TMEM117: variants seen among roughly 807,000 people sequenced by gnomAD.
The protein encoded by TMEM117 is transmembrane protein 117.
TMEM117 carries 27 observed loss-of-function variants against 52.4 expected under a neutral mutation model. The observed-to-expected ratio is 0.51, with a 90% CI of 0.38 to 0.71. The LOEUF (loss-of-function observed/expected upper bound fraction) is 0.71, where lower values mean the gene tolerates loss of function less well. TMEM117 is among the 30% of genes least tolerant of loss of function. The pLI, the probability that TMEM117 is intolerant of heterozygous loss-of-function variation, is 0.00. For synonymous variants in TMEM117, 215 were observed against 206.3 expected, an observed-to-expected ratio of 1.04 and a Z score of -0.36; for missense variants, 556 against 630.5, an observed-to-expected ratio of 0.88 and a Z score of 1.26.
chr12:44,010,848 T>C (rs887061227), intron 3 of TMEM117, among the ~76,000 whole-genome samples: 1 of 152,238 alleles, frequency 6.6e-6, no homozygotes, highest in African/African-American at 2.4e-5. Context: ...AAACTGTATC[T>C]AAACATATAC....
intron 3 of TMEM117, among the ~76,000 whole-genome samples, chr12:44,092,844 A>G (rs940339388): frequency 2.6e-5 from 4 of 152,208 alleles, no homozygotes; most frequent in Non-Finnish European, 4.4e-5. Flanking sequence ...AACACAGAGC[A>G]TATATTATGA....
chr12:44,334,043 T>C (rs1469362901), intron 6 of TMEM117, among the ~76,000 whole-genome samples: 1 of 152,072 alleles, frequency 6.6e-6, no homozygotes, highest in Non-Finnish European at 1.5e-5. Context: ...CTCGATAGAA[T>C]TTTTAGAGAC....
At chr12:44,372,962 A>G (rs571022678) in intron 6 of TMEM117, among the ~76,000 whole-genome samples, 1 of 152,332 alleles carries the variant, frequency 6.6e-6, no homozygotes, top group East Asian at 1.9e-4. Flanking sequence ...TCACATTGTG[A>G]TCTTAAATAT....
At chr12:44,171,914 A>G (rs1949051952) in intron 4 of TMEM117, among the ~76,000 whole-genome samples, 1 of 152,100 alleles carries the variant, frequency 6.6e-6, no homozygotes, top group Non-Finnish European at 1.5e-5. Flanking sequence ...GGCATAGGGA[A>G]CAGCATGTGC....
intron 3 of TMEM117, among the ~76,000 whole-genome samples, chr12:44,035,690 A>G (rs907152911): frequency 6.6e-6 from 1 of 152,186 alleles, no homozygotes; most frequent in Non-Finnish European, 1.5e-5. Flanking sequence ...TAATGTATTG[A>G]ATCTGGCTTG....
chr12:43,962,094 A>G (rs1945413064), intron 3 of TMEM117, among the ~76,000 whole-genome samples: 1 of 152,220 alleles, frequency 6.6e-6, no homozygotes, highest in Non-Finnish European at 1.5e-5. Flanking sequence ...CAGTGACAGT[A>G]CAACTGTTAT....
chr12:43,810,366 AC>A, the TMEM117 span, among the ~76,000 whole-genome samples: 2 of 152,154 alleles, frequency 1.3e-5, no homozygotes, highest in Non-Finnish European at 2.9e-5. Flanking sequence ...GCTAATTAAC[AC>A]CCAAAAACCT....
At chr12:44,098,352 C>T (rs1448390077) in intron 3 of TMEM117, among the ~76,000 whole-genome samples, 1 of 152,000 alleles carries the variant, frequency 6.6e-6, no homozygotes, top group African/African-American at 2.4e-5. Flanking sequence ...GAACATCTCT[C>T]CTTTGAAGAC....
At chr12:43,980,790 T>C (rs1430916187) in intron 3 of TMEM117, among the ~76,000 whole-genome samples, 1 of 152,168 alleles carries the variant, frequency 6.6e-6, no homozygotes, top group Non-Finnish European at 1.5e-5. Flanking sequence ...AGGGGACTGC[T>C]GGCATTAGGG....
At chr12:44,346,898 T>G (rs913955982) in intron 6 of TMEM117, among the ~76,000 whole-genome samples, 4 of 152,132 alleles carry the variant, frequency 2.6e-5, no homozygotes, top group African/African-American at 9.7e-5. Flanking sequence ...AGCATATTAT[T>G]GAAAATAATG....
chr12:43,931,424 G>A (rs1348039644), intron 2 of TMEM117, among the ~76,000 whole-genome samples: 2 of 152,112 alleles, frequency 1.3e-5, no homozygotes, highest in Non-Finnish European at 2.9e-5. Context: ...ACACAAAGAT[G>A]CAGTAAAATA....
intron 5 of TMEM117, among the ~76,000 whole-genome samples, chr12:44,251,099 A>G (rs1002679264): frequency 5.9e-5 from 9 of 152,206 alleles, no homozygotes; most frequent in African/African-American, 2.2e-4. Flanking sequence ...TGTCTTGTCC[A>G]AGATGCCGTG....
chr12:44,145,619 G>A (rs1244108947), intron 4 of TMEM117, among the ~76,000 whole-genome samples: 1 of 152,158 alleles, frequency 6.6e-6, no homozygotes, highest in Non-Finnish European at 1.5e-5. Flanking sequence ...TCCTTTGAGG[G>A]GATGGCAAGG....
chr12:44,317,577 G>C (rs979157742), intron 6 of TMEM117, among the ~76,000 whole-genome samples: 4 of 152,024 alleles, frequency 2.6e-5, no homozygotes, highest in Non-Finnish European at 5.9e-5. Flanking sequence ...TGTATTTTTA[G>C]TAGAGACAGG....
At chr12:43,892,884 C>T (rs1944133108) in intron 2 of TMEM117, among the ~76,000 whole-genome samples, 1 of 152,132 alleles carries the variant, frequency 6.6e-6, no homozygotes, top group Non-Finnish European at 1.5e-5. Context: ...ATGGGGTAGG[C>T]ACTATTTTAG....
chr12:44,375,516 C>T (rs1333755059), intron 6 of TMEM117, among the ~76,000 whole-genome samples: 12 of 152,126 alleles, frequency 7.9e-5, no homozygotes, highest in Non-Finnish European at 1.6e-4. Flanking sequence ...ACAGAGAGGA[C>T]AGTGGAATAG....
chr12:44,265,656 C>T (rs1592650864), intron 5 of TMEM117, among the ~76,000 whole-genome samples: 1 of 152,080 alleles, frequency 6.6e-6, no homozygotes, highest in South Asian at 2.1e-4. Context: ...AATTTAGTAG[C>T]ATTTAGGGCT....
intron 5 of TMEM117, among the ~76,000 whole-genome samples, chr12:44,298,138 A>T (rs1950792004): frequency 6.7e-6 from 1 of 148,708 alleles, no homozygotes; most frequent in African/African-American, 2.6e-5. Context: ...ATTAAAGTAT[A>T]ACTTGCCTCA....
At chr12:43,913,880 C>G (rs748469916) in intron 2 of TMEM117, among the ~76,000 whole-genome samples, 1 of 152,120 alleles carries the variant, frequency 6.6e-6, no homozygotes, top group Non-Finnish European at 1.5e-5. Context: ...AAGTATTACA[C>G]GTGACCAAAT....
Sources: allele counts gnomAD v4.1 joint callset (sites outside exome capture counted in the v4.1 genomes callset), GRCh38; gene constraint gnomAD v4.1.1; transcripts MANE v1.5; gene names NCBI Gene and HGNC (gene_info 2026-07-23, HGNC 2026-07-21).